RAD51B: variants seen among roughly 807,000 people sequenced by gnomAD.
RAD51B encodes DNA repair protein RAD51 homolog 2.
Under a neutral mutation model 42.2 loss-of-function variants are expected in RAD51B, and 38 were observed. That is an observed-to-expected ratio of 0.90 (90% CI 0.70 to 1.18). RAD51B has a LOEUF of 1.18. Among genes scored for constraint, RAD51B ranks in the 50% most tolerant of loss-of-function variants. The pLI is 0.00. For synonymous variants in RAD51B, 154 were observed against 145.2 expected (o/e 1.06, Z -0.43); for missense variants, 373 against 400.7 (o/e 0.93, Z 0.59).
At chr14:68,041,990 G>A (rs2076225443) in intron 7 of RAD51B, among the ~76,000 whole-genome samples, 1 of 152,196 alleles carries the variant, frequency 6.6e-6, no homozygotes, top group Non-Finnish European at 1.5e-5. Flanking sequence ...CTGGGAATTT[G>A]ATGGTTGGAT....
At chr14:68,140,356 G>A (rs145065714) in intron 7 of RAD51B, among the ~76,000 whole-genome samples, 10 of 152,144 alleles carry the variant, frequency 6.6e-5, no homozygotes, top group African/African-American at 1.9e-4. Context: ...AGATTTGAAC[G>A]TTTGGAAAAG....
chr14:68,234,962 CAA>C (rs2080217673), intron 7 of RAD51B, among the ~76,000 whole-genome samples: 1 of 152,044 alleles, frequency 6.6e-6, no homozygotes, highest in Admixed American at 6.6e-5. Context: ...GATATACAAT[CAA>C]GAGGTAAACA....
intron 7 of RAD51B, among the ~76,000 whole-genome samples, chr14:67,966,464 A>T (rs2074780450): frequency 6.6e-6 from 1 of 152,218 alleles, no homozygotes; most frequent in African/African-American, 2.4e-5. Context: ...CTATATAAGT[A>T]TTGTATTAAC....
At position 68,499,583 on chromosome 14, in the gene RAD51B, C is replaced by T. The variant is rs189492093; in HGVS notation, c.1036+31333C>T. Reference sequence around the variant, plus strand: ...GTAAATATGGCCTGATTTGTATAAACGGTCTTTGCAGAGGTAATTAAGGAT... The same window carrying T: ...GTAAATATGGCCTGATTTGTATAAATGGTCTTTGCAGAGGTAATTAAGGAT... On this transcript the variant is annotated intron_variant, in intron 10 of 10. Coordinates refer to the RAD51B transcript ENST00000487270. Among the ~76,000 whole-genome samples, 414 of 152,288 alleles carry T rather than the reference C, an allele frequency of 2.7e-3. 1 individual carries two copies. Among genetic ancestry groups the T allele is most frequent in the African/African-American group, 8.4e-3 (351 of 41,552 alleles).
At chr14:67,862,563 G>A (rs999797071) in intron 4 of RAD51B, among the ~76,000 whole-genome samples, 1 of 152,146 alleles carries the variant, frequency 6.6e-6, no homozygotes. Context: ...GGAAGGTATT[G>A]AAAAATGCAA....
At chr14:68,029,322 C>T (rs1315960950) in intron 7 of RAD51B, among the ~76,000 whole-genome samples, 1 of 152,182 alleles carries the variant, frequency 6.6e-6, no homozygotes, top group African/African-American at 2.4e-5. Flanking sequence ...AAATTTGGGT[C>T]AGTCCTCTGA....
intron 8 of RAD51B, among the ~76,000 whole-genome samples, chr14:68,293,832 C>T (rs1371484904): frequency 1.3e-5 from 2 of 152,138 alleles, no homozygotes; most frequent in Non-Finnish European, 2.9e-5. Flanking sequence ...TTTAAAGACA[C>T]GACCATGTCA....
At chr14:68,103,995 A>C (rs1010008139) in intron 7 of RAD51B, among the ~76,000 whole-genome samples, 1 of 152,192 alleles carries the variant, frequency 6.6e-6, no homozygotes, top group Admixed American at 6.5e-5. Context: ...TTCAGGGAAT[A>C]GAACTTACCC....
intron 7 of RAD51B, among the ~76,000 whole-genome samples, chr14:68,166,800 C>T (rs1190291514): frequency 6.6e-6 from 1 of 152,114 alleles, no homozygotes; most frequent in Non-Finnish European, 1.5e-5. Context: ...GCACAACATA[C>T]ATAAAACTTA....
chr14:68,367,696 C>T (rs2083171388), intron 8 of RAD51B, among the ~76,000 whole-genome samples: 1 of 152,158 alleles, frequency 6.6e-6, no homozygotes, highest in African/African-American at 2.4e-5. Context: ...AATAGTTACC[C>T]AGAAAAGCTG....
chr14:68,154,674 G>A (rs796345416), intron 7 of RAD51B, among the ~76,000 whole-genome samples: 9 of 151,608 alleles, frequency 5.9e-5, no homozygotes, highest in African/African-American at 1.7e-4. Context: ...GTAATGGCCT[G>A]AGGAAATTGT....
downstream of RAD51B, among the ~76,000 whole-genome samples, chr14:68,600,921 A>G (rs2145157): frequency 0.35 from 52,538 of 152,010 alleles, 9,492 homozygotes; most frequent in Non-Finnish European, 0.39. Flanking sequence ...GAAGCATAAG[A>G]ATTGAGGTAT....
intron 7 of RAD51B, among the ~76,000 whole-genome samples, chr14:68,004,724 A>G (rs1014820545): frequency 2.0e-5 from 3 of 152,142 alleles, no homozygotes; most frequent in African/African-American, 4.8e-5. Context: ...AAAAATTACC[A>G]ATGTCCCAGA....
rs147895862 is a variant in RAD51B, at chr14:68,464,341, C to T, written c.958-3831C>T. On this transcript the variant is annotated intron_variant, in intron 9 of 10. Coordinates refer to ENST00000471583, the MANE Select transcript of RAD51B (RefSeq NM_133510.4). ...TGATGCCCCCACCTCCAATCCAGTA[C>T]ACTTCCTGTATTCTTTATCTGCTCT... Among the ~76,000 whole-genome samples the T allele has an allele frequency of 3.8e-4, 58 of 152,336 alleles. 1 individual carries two copies. The highest frequency in any genetic ancestry group is 1.3e-3 in the African/African-American group (56 of 41,576).
At chr14:68,563,314 G>A (rs1364895235) in intron 10 of RAD51B, 2 of 985,258 alleles carry the variant, frequency 2.0e-6, no homozygotes, top group Non-Finnish European at 1.2e-6. Context: ...TCTCTCCTCG[G>A]GGCGTGCTCC....
At chr14:67,995,564 C>T (rs1247878990) in intron 7 of RAD51B, among the ~76,000 whole-genome samples, 2 of 148,906 alleles carry the variant, frequency 1.3e-5, no homozygotes, top group Non-Finnish European at 2.9e-5. Flanking sequence ...CTGCTTTTTT[C>T]CCCCCTCTGA....
At chr14:68,280,610 G>T (rs920702313) in intron 7 of RAD51B, among the ~76,000 whole-genome samples, 1 of 152,206 alleles carries the variant, frequency 6.6e-6, no homozygotes, top group Non-Finnish European at 1.5e-5. Flanking sequence ...TAGTGAACGT[G>T]AGTTTCCTCT....
intron 7 of RAD51B, among the ~76,000 whole-genome samples, chr14:68,172,113 T>G (rs2078885679): frequency 6.6e-6 from 1 of 152,240 alleles, no homozygotes; most frequent in Non-Finnish European, 1.5e-5. Context: ...TTTAATACAT[T>G]CCTTTCTAGT....
intron 7 of RAD51B, among the ~76,000 whole-genome samples, chr14:67,924,551 T>C (rs1184753350): frequency 6.6e-6 from 1 of 152,146 alleles, no homozygotes; most frequent in East Asian, 1.9e-4. Context: ...GAAGAGCAAG[T>C]CATGTCTTAC....
Sources: gnomAD v4.1 joint callset for allele counts (sites outside exome capture counted in the v4.1 genomes callset) on GRCh38, gnomAD v4.1.1 for gene constraint, MANE v1.5 for transcripts, NCBI Gene and HGNC (gene_info 2026-07-23, HGNC 2026-07-21) for gene names.